Variants in CALN1 observed in about 807,000 individuals in gnomAD.
CALN1 encodes calneuron 1.
CALN1 carries 17 observed loss-of-function variants against 30.6 expected under a neutral mutation model. The observed-to-expected ratio is 0.56, with a 90% CI of 0.38 to 0.83. The LOEUF is 0.83. Among genes scored for constraint, CALN1 ranks in the 40% least tolerant of loss-of-function variants. The pLI, the probability that CALN1 is intolerant of heterozygous loss-of-function variation, is 0.00. For missense variants in CALN1, 291 were observed against 354.9 expected (o/e 0.82, Z 1.45); for synonymous variants, 156 against 131.4 (o/e 1.19, Z -1.28).
intron 3 of CALN1, among the ~76,000 whole-genome samples, chr7:72,224,864 G>C (rs1793557525): frequency 6.6e-6 from 1 of 152,022 alleles, no homozygotes; most frequent in Non-Finnish European, 1.5e-5. Context: ...CGAGGCAGGT[G>C]AATCACGAGG....
At chr7:71,852,522 C>A (rs1790709410) in intron 5 of CALN1, among the ~76,000 whole-genome samples, 1 of 150,402 alleles carries the variant, frequency 6.6e-6, no homozygotes, top group Admixed American at 6.6e-5. Flanking sequence ...ATCCCTTGAG[C>A]TCAGGAGTTT....
chr7:72,054,904 A>AAAAAC (rs879911287), intron 4 of CALN1, among the ~76,000 whole-genome samples: 89 of 152,250 alleles, frequency 5.8e-4, no homozygotes, highest in African/African-American at 1.0e-3. Context: ...AAACTAAAAT[A>AAAAAC]AAAACAAAAC....
chr7:72,145,972 CAAAAT>C (rs1007138002), intron 3 of CALN1, among the ~76,000 whole-genome samples: 1 of 152,110 alleles, frequency 6.6e-6, no homozygotes, highest in African/African-American at 2.4e-5. Context: ...GGACGTATCT[CAAAAT>C]AATAAGAGCT....
chr7:72,443,156 C>A (rs530325341), intron 1 of CALN1, among the ~76,000 whole-genome samples: 69 of 152,350 alleles, frequency 4.5e-4, no homozygotes, highest in Middle Eastern at 3.4e-3. Flanking sequence ...GTATTTCTCT[C>A]AAGAGCGTGT....
In CALN1 at chr7:72,343,502, C is replaced by T. The variant is rs12535643; in HGVS notation, c.119+59749G>A. 5.3e-3 allele frequency among the ~76,000 whole-genome samples: 807 copies of T among 151,046 alleles called. 22 individuals carry two copies. The highest frequency in any genetic ancestry group is 0.048 in the Admixed American group (731 of 15,154). On this transcript the variant is annotated intron_variant, in intron 2 of 6. Transcript: ENST00000395275. ...GGCAGAGGTTGCAATGAGCTGAGAT[C>T]AGCCACTGCACTCCAGCATGGGTGA...
At chr7:72,319,971 T>C (rs894235375) in intron 2 of CALN1, among the ~76,000 whole-genome samples, 6 of 152,104 alleles carry the variant, frequency 3.9e-5, no homozygotes, top group African/African-American at 9.7e-5. Context: ...TTGGCCAACA[T>C]GGTGAAACCC....
chr7:71,907,964 G>A (rs151211289), intron 5 of CALN1, among the ~76,000 whole-genome samples: 2 of 152,348 alleles, frequency 1.3e-5, no homozygotes, highest in African/African-American at 4.8e-5. Flanking sequence ...GCGTGGACAT[G>A]GGGGCAACGT....
At chr7:72,234,097 G>C (rs1163318189) in intron 3 of CALN1, among the ~76,000 whole-genome samples, 3 of 152,192 alleles carry the variant, frequency 2.0e-5, no homozygotes, top group Non-Finnish European at 2.9e-5. Flanking sequence ...ACACACTGAT[G>C]TTTACAAGGA....
chr7:72,348,108 G>A (rs944954341), intron 2 of CALN1, among the ~76,000 whole-genome samples: 3 of 152,140 alleles, frequency 2.0e-5, no homozygotes, highest in Admixed American at 6.6e-5. Context: ...ACAACAGAGC[G>A]AGATTCTGTC....
In CALN1 at chr7:72,352,910, G is replaced by A. The variant is rs1803010535; in HGVS notation, c.119+50341C>T. Among the ~76,000 whole-genome samples the A allele has an allele frequency of 2.0e-5, 3 of 152,076 alleles. No individual in the cohort carries two copies. In the South Asian group the frequency reaches 6.2e-4, roughly 32 times the overall value. On this transcript the variant is annotated intron_variant, in intron 2 of 6. Coordinates refer to ENST00000395275, the MANE Select transcript of CALN1 (RefSeq NM_031468.4). ...CACCAAGTACCAAGATCAGGAATCA[G>A]TATAGATCCTAACGATATAAAAAAG...
intron 2 of CALN1, among the ~76,000 whole-genome samples, chr7:72,391,475 G>C (rs868091286): frequency 1.7e-5 from 2 of 120,768 alleles, no homozygotes; most frequent in South Asian, 5.5e-4. Flanking sequence ...GACCCAGCAT[G>C]ATGAAGAAGA....
chr7:72,255,173 C>T lies in CALN1; in HGVS notation c.244+23513G>A, dbSNP rs369140950. Among the ~76,000 whole-genome samples, 78 of 152,156 alleles carry T rather than the reference C, an allele frequency of 5.1e-4. 1 individual carries two copies. In the South Asian group the frequency reaches 0.015, roughly 30 times the overall value. ...CGATCTCAGTTCACTGCAACCTCTG[C>T]CTCCTGGGCTCAAGCGATTCTCATG... On this transcript the variant is annotated intron_variant, in intron 3 of 6. Coordinates refer to ENST00000395275, the MANE Select transcript of CALN1 (RefSeq NM_031468.4).
At chr7:72,139,182 G>A (rs1052307649) in intron 3 of CALN1, among the ~76,000 whole-genome samples, 3 of 152,166 alleles carry the variant, frequency 2.0e-5, no homozygotes, top group African/African-American at 4.8e-5. Context: ...ATGGGCATCC[G>A]GCAAGGTCAC....
intron 1 of CALN1, among the ~76,000 whole-genome samples, chr7:72,442,616 C>A (rs1334731508): frequency 6.6e-6 from 1 of 150,390 alleles, no homozygotes. Flanking sequence ...TTTAGGATTG[C>A]ACTTTATTCA....
intron 2 of CALN1, among the ~76,000 whole-genome samples, chr7:72,334,283 G>A (rs1801859788): frequency 6.6e-6 from 1 of 152,258 alleles, no homozygotes; most frequent in East Asian, 1.9e-4. Context: ...ACACTGCATA[G>A]GTGGTCAATA....
At chr7:72,074,903 T>C (rs75627811) in intron 4 of CALN1, among the ~76,000 whole-genome samples, 3 of 152,238 alleles carry the variant, frequency 2.0e-5, no homozygotes, top group East Asian at 1.9e-4. Context: ...AAGAAGTTAA[T>C]AGTCTCATGA....
intron 4 of CALN1, among the ~76,000 whole-genome samples, chr7:72,087,045 C>T (rs1280159794): frequency 6.6e-6 from 1 of 152,066 alleles, no homozygotes; most frequent in South Asian, 2.1e-4. Flanking sequence ...TAAGATATTA[C>T]CCTAACCATA....
rs1467292362 is a variant in CALN1, at chr7:72,353,901, T to C, written c.119+49350A>G. On this transcript the variant is annotated intron_variant, in intron 2 of 6. Transcript: ENST00000395275. ...AAATGAAATTTTAAAAATAGCTCCA[T>C]TCAGGCCGGGCGTAGTGGCTCACAC... Among the ~76,000 whole-genome samples the C allele has an allele frequency of 3.3e-5, 5 of 152,134 alleles. No homozygotes were observed. The East Asian group carries it at 7.7e-4, about 23-fold the overall frequency.
At chr7:72,423,979 GAGGA>G (rs1193138851) in intron 1 of CALN1, among the ~76,000 whole-genome samples, 26 of 112,948 alleles carry the variant, frequency 2.3e-4, no homozygotes, top group South Asian at 1.1e-3. Context: ...GGGAGGGAGG[GAGGA>G]AGGAAGGAAG....
Sources: allele counts gnomAD v4.1 joint callset (sites outside exome capture counted in the v4.1 genomes callset), GRCh38; gene constraint gnomAD v4.1.1; transcripts MANE v1.5; gene names NCBI Gene and HGNC (gene_info 2026-07-23, HGNC 2026-07-21).